Variants in TMEM181 observed in about 807,000 individuals in gnomAD.
TMEM181 encodes transmembrane protein 181.
TMEM181 carries 39 observed loss-of-function variants against 71.9 expected under a neutral mutation model. The ratio of observed to expected loss-of-function variants is 0.54; its 90% CI spans 0.42 to 0.71. The LOEUF (loss-of-function observed/expected upper bound fraction) is 0.71, where lower values mean the gene tolerates loss of function less well. Ranked by LOEUF, TMEM181 falls within the 30% of genes least tolerant of loss-of-function variation. The pLI, the probability that TMEM181 is intolerant of heterozygous loss-of-function variation, is 0.00. For missense variants in TMEM181, 595 were observed against 583.0 expected, an observed-to-expected ratio of 1.02 and a Z score of -0.21; for synonymous variants, 245 against 228.8, an observed-to-expected ratio of 1.07 and a Z score of -0.64.
chr6:158,587,696 C>T (rs933817059), intron 5 of TMEM181, among the ~76,000 whole-genome samples: 10 of 151,522 alleles, frequency 6.6e-5, no homozygotes, highest in African/African-American at 1.9e-4. Flanking sequence ...AGGCTTTCCA[C>T]GCCTTGCAGG....
intron 6 of TMEM181, among the ~76,000 whole-genome samples, chr6:158,599,918 C>T (rs1336145771): frequency 6.6e-6 from 1 of 152,226 alleles, no homozygotes; most frequent in African/African-American, 2.4e-5. Flanking sequence ...CAGGGGCGGC[C>T]TCCCAGAGAG....
intron 1 of TMEM181, among the ~76,000 whole-genome samples, chr6:158,566,115 C>T (rs1782476678): frequency 6.6e-6 from 1 of 152,126 alleles, no homozygotes; most frequent in South Asian, 2.1e-4. Flanking sequence ...GGCTTGTGTA[C>T]CTGGACGGTT....
At chr6:158,573,056 G>A (rs567522616) in intron 1 of TMEM181, among the ~76,000 whole-genome samples, 2 of 152,110 alleles carry the variant, frequency 1.3e-5, no homozygotes, top group Non-Finnish European at 2.9e-5. Context: ...ATGTATGTGT[G>A]TGCATGAGAT....
intron 14 of TMEM181, 111 bp from the exon 15 acceptor site, chr6:158,629,619 G>A (rs1786545258): frequency 3.5e-6 from 3 of 867,228 alleles, no homozygotes; most frequent in Non-Finnish European, 5.4e-6. Flanking sequence ...GGGCACTGGC[G>A]GGTGCTTGGC....
chr6:158,628,359 C>A (rs41267045), intron 13 of TMEM181, 49 bp from the exon 14 acceptor site: 2 of 1,568,566 alleles, frequency 1.3e-6, no homozygotes, highest in South Asian at 2.2e-5. Flanking sequence ...AAGCTAGTGC[C>A]GTTTTCGTGC....
intron 2 of TMEM181, 93 bp downstream of exon 2, chr6:158,573,616 A>G (rs1323456777): frequency 1.9e-6 from 2 of 1,053,406 alleles, no homozygotes; most frequent in African/African-American, 1.6e-5. Context: ...CCTATCTTCC[A>G]CTGCTAAGGG....
chr6:158,575,438 C>T (rs1783102967), intron 2 of TMEM181, among the ~76,000 whole-genome samples: 1 of 152,008 alleles, frequency 6.6e-6, no homozygotes, highest in Non-Finnish European at 1.5e-5. Flanking sequence ...AAATGATTCT[C>T]CAGTAGCTGG....
chr6:158,618,570 G>C (rs1324364162), intron 10 of TMEM181, among the ~76,000 whole-genome samples: 1 of 152,182 alleles, frequency 6.6e-6, no homozygotes, highest in Non-Finnish European at 1.5e-5. Context: ...GTTAGTTGAT[G>C]CTGTTTCTTC....
At chr6:158,622,431 AGTGTCGGT>A (rs1337823249) in intron 10 of TMEM181, among the ~76,000 whole-genome samples, 19 of 151,826 alleles carry the variant, frequency 1.3e-4, no homozygotes, top group Non-Finnish European at 2.4e-4. Context: ...CAGCCATGAC[AGTGTCGGT>A]GGTTGTGTGT....
In TMEM181 at chr6:158,634,736, TTAGA is replaced by T. The variant is rs1053972467; in HGVS notation, c.*2851_*2854del. On this transcript the variant is annotated 3_prime_UTR_variant, in exon 17 of 17. Transcript: ENST00000684151. Reference sequence around the variant, plus strand: ...CATAATTGCAGATTGCAATAAAAGCTTAGATACATTTTGTAAACCCAACCCACTA... The same window carrying T: ...CATAATTGCAGATTGCAATAAAAGCTTACATTTTGTAAACCCAACCCACTA... 1 of 152,124 alleles carries T rather than the reference TTAGA, an allele frequency of 6.6e-6. No individual in the cohort carries two copies. The highest frequency in any genetic ancestry group is 1.5e-5 in the Non-Finnish European group (1 of 68,018). The allele number at this position is 152,124 out of a possible 1,614,324, so 9.4% of individuals were successfully genotyped here. A position where few individuals can be genotyped will look rare whatever the true frequency, so the allele number is the denominator to read the frequency against.
intron 1 of TMEM181, among the ~76,000 whole-genome samples, chr6:158,537,221 C>G (rs1314292370): frequency 6.6e-6 from 1 of 152,048 alleles, no homozygotes; most frequent in East Asian, 1.9e-4. Flanking sequence ...TCTCCCCCCG[C>G]GCCCGCCTCG....
At chr6:158,581,610 T>G (rs1038141104) in intron 3 of TMEM181, among the ~76,000 whole-genome samples, 1 of 151,488 alleles carries the variant, frequency 6.6e-6, no homozygotes, top group African/African-American at 2.4e-5. Context: ...AAAAATTAGC[T>G]GGGCGTGGTG....
In TMEM181 at chr6:158,632,091, G is replaced by A. The variant is rs931212297; in HGVS notation, c.*203G>A. The A allele has an allele frequency of 1.1e-5, 6 of 561,714 alleles. No homozygotes were observed. Among genetic ancestry groups the A allele is most frequent in the Non-Finnish European group, 1.6e-5 (5 of 316,310 alleles). The allele number at this position is 561,714 out of a possible 1,614,324, so 34.8% of individuals were successfully genotyped here. A position where few individuals can be genotyped will look rare whatever the true frequency, so the allele number is the denominator to read the frequency against. On this transcript the variant is annotated 3_prime_UTR_variant, in exon 17 of 17. Transcript: ENST00000684151. Reference sequence around the variant, plus strand: ...TTTATTGTCATGGTGGCTACGAGAAGAGGCATTGATAACAAGTTTCAACAG... The same window carrying A: ...TTTATTGTCATGGTGGCTACGAGAAAAGGCATTGATAACAAGTTTCAACAG...
Position 158,625,198 on chromosome 6 carries a change from C to T in TMEM181, c.1049C>T (p.Pro350Leu). 6.2e-7 allele frequency: 1 copy of T among 1,613,872 alleles called. No homozygotes were observed. Among genetic ancestry groups the T allele is most frequent in the Non-Finnish European group, 8.5e-7 (1 of 1,179,798 alleles). ...GCGTGTTCCGAGCTACGTCACATGC[C>T]TTATGTGGGTAAGTGCTCCTTTCAG... ...VRACSELRHMPYVDLRLKFLT... is the reference protein window; with the variant it reads ...VRACSELRHMLYVDLRLKFLT... The change falls in exon 12 of 17, where the codon CCT (proline) becomes CTT (leucine). Residue 350 changes from proline to leucine, a missense_variant. Transcript: ENST00000684151.
At chr6:158,563,004 T>C (rs1285191600) in intron 1 of TMEM181, among the ~76,000 whole-genome samples, 2 of 152,248 alleles carry the variant, frequency 1.3e-5, no homozygotes, top group Admixed American at 6.5e-5. Context: ...CACTCCTGAC[T>C]GCTGTACTCT....
chr6:158,537,349 G>C (rs1781159899), intron 1 of TMEM181, among the ~76,000 whole-genome samples: 1 of 152,110 alleles, frequency 6.6e-6, no homozygotes, highest in African/African-American at 2.4e-5. Context: ...GGACGCCTCG[G>C]AGGCGGGGGC....
At chr6:158,608,533 A>T in intron 9 of TMEM181, 70 bp downstream of exon 9, 1 of 1,610,410 alleles carries the variant, frequency 6.2e-7, no homozygotes, top group African/African-American at 1.3e-5. Context: ...CTCTGAGGAC[A>T]GCCCAGAAAG....
intron 14 of TMEM181, among the ~76,000 whole-genome samples, chr6:158,628,715 C>A (rs899811623): frequency 2.0e-5 from 3 of 152,206 alleles, no homozygotes; most frequent in Non-Finnish European, 2.9e-5. Context: ...CAGTAGTTGC[C>A]CCAGGTCAGG....
At chr6:158,614,019 T>C (rs1785473990) in intron 10 of TMEM181, among the ~76,000 whole-genome samples, 1 of 152,252 alleles carries the variant, frequency 6.6e-6, no homozygotes, top group South Asian at 2.1e-4. Flanking sequence ...TAATAGCACA[T>C]ATTTAGATAC....
Sources: allele counts gnomAD v4.1 joint callset (sites outside exome capture counted in the v4.1 genomes callset), GRCh38; gene constraint gnomAD v4.1.1; transcripts MANE v1.5; gene names NCBI Gene and HGNC (gene_info 2026-07-23, HGNC 2026-07-21).